ITFG1: variants seen among roughly 807,000 people sequenced by gnomAD.
ITFG1 encodes T-cell immunomodulatory protein.
Under a neutral mutation model 81.8 loss-of-function variants are expected in ITFG1, and 34 were observed. The ratio of observed to expected loss-of-function variants is 0.42; its 90% CI spans 0.32 to 0.55. The LOEUF (loss-of-function observed/expected upper bound fraction) is 0.55, where lower values mean the gene tolerates loss of function less well. Ranked by LOEUF, ITFG1 falls within the 20% of genes least tolerant of loss-of-function variation. The probability of loss-of-function intolerance (pLI) is 0.17; values close to 1 mark genes in which losing one functional copy is unlikely to be tolerated. For missense variants in ITFG1, 672 were observed against 755.4 expected (o/e 0.89, Z 1.29); for synonymous variants, 285 against 270.6 (o/e 1.05, Z -0.52).
At chr16:47,170,880 A>C (rs1964950120) in intron 14 of ITFG1, among the ~76,000 whole-genome samples, 1 of 151,102 alleles carries the variant, frequency 6.6e-6, no homozygotes, top group Non-Finnish European at 1.5e-5. Flanking sequence ...GATTATAGGC[A>C]TACACCACCA....
intron 6 of ITFG1, among the ~76,000 whole-genome samples, chr16:47,393,272 C>G (rs1477528375): frequency 1.3e-5 from 2 of 152,166 alleles, no homozygotes; most frequent in African/African-American, 4.8e-5. Context: ...TCTGACTACA[C>G]TGTACTCGAG....
intron 12 of ITFG1, among the ~76,000 whole-genome samples, chr16:47,239,904 C>T (rs1055438387): frequency 2.0e-5 from 3 of 152,112 alleles, no homozygotes; most frequent in African/African-American, 4.8e-5. Context: ...TGTCTTTGCA[C>T]GCAGATGTTA....
intron 13 of ITFG1, among the ~76,000 whole-genome samples, chr16:47,235,528 A>C (rs1425220032): frequency 6.6e-6 from 1 of 152,052 alleles, no homozygotes; most frequent in Non-Finnish European, 1.5e-5. Flanking sequence ...TGAATAAAAC[A>C]CTCTGAAGTT....
At chr16:47,221,308 T>C (rs2151527917) in intron 13 of ITFG1, among the ~76,000 whole-genome samples, 1 of 152,350 alleles carries the variant, frequency 6.6e-6, no homozygotes, top group Middle Eastern at 3.4e-3. Context: ...TGTTGAATTT[T>C]GTCAAAGGCC....
chr16:47,371,969 A>G (rs1053571008), intron 7 of ITFG1, among the ~76,000 whole-genome samples: 16 of 150,262 alleles, frequency 1.1e-4, no homozygotes, highest in African/African-American at 3.9e-4. Context: ...GCTGGAGTAC[A>G]GTGGTGCGAT....
intron 12 of ITFG1, among the ~76,000 whole-genome samples, chr16:47,242,463 A>G (rs942453484): frequency 7.9e-5 from 12 of 152,244 alleles, no homozygotes; most frequent in Non-Finnish European, 1.6e-4. Flanking sequence ...ATATATTATC[A>G]CAAAGGGCTC....
intron 8 of ITFG1, among the ~76,000 whole-genome samples, chr16:47,325,846 A>T (rs1297141940): frequency 6.6e-6 from 1 of 152,166 alleles, no homozygotes; most frequent in Non-Finnish European, 1.5e-5. Context: ...CTTACCAACC[A>T]AAAAAGGTCC....
chr16:47,182,075 AC>A (rs1418748848), intron 14 of ITFG1, among the ~76,000 whole-genome samples: 1 of 151,712 alleles, frequency 6.6e-6, no homozygotes, highest in African/African-American at 2.4e-5. Flanking sequence ...GCCTAGGAAA[AC>A]CAGATACCTT....
chr16:47,235,899 G>GTGATCTA (rs1314511133), intron 13 of ITFG1, among the ~76,000 whole-genome samples: 1 of 152,208 alleles, frequency 6.6e-6, no homozygotes, highest in Non-Finnish European at 1.5e-5. Context: ...TGATAAAATT[G>GTGATCTA]TGATCTATGA....
chr16:47,323,027 T>G (rs1234392767), intron 8 of ITFG1, among the ~76,000 whole-genome samples: 2 of 152,156 alleles, frequency 1.3e-5, no homozygotes, highest in Non-Finnish European at 2.9e-5. Context: ...GCTTCAATAT[T>G]ATCTCATGGA....
chr16:47,460,473 G>T (rs139373442), intron 1 of ITFG1, among the ~76,000 whole-genome samples: 8 of 152,272 alleles, frequency 5.3e-5, no homozygotes, highest in African/African-American at 1.4e-4. Context: ...GTGGGCCTTG[G>T]GAGCGAACGT....
At chr16:47,224,962 G>A (rs1965740524) in intron 13 of ITFG1, among the ~76,000 whole-genome samples, 1 of 152,066 alleles carries the variant, frequency 6.6e-6, no homozygotes, top group South Asian at 2.1e-4. Flanking sequence ...TTGCACCACT[G>A]CACTCTAGCC....
At chr16:47,277,520 A>AT (rs1966410332) in intron 10 of ITFG1, among the ~76,000 whole-genome samples, 1 of 152,238 alleles carries the variant, frequency 6.6e-6, no homozygotes, top group African/African-American at 2.4e-5. Flanking sequence ...AAAATTCCAC[A>AT]TAAGTGCATC....
At chr16:47,350,400 G>C (rs1031679212) in intron 8 of ITFG1, among the ~76,000 whole-genome samples, 5 of 152,180 alleles carry the variant, frequency 3.3e-5, no homozygotes, top group Non-Finnish European at 7.3e-5. Flanking sequence ...CGATCCCACA[G>C]AAATACAAAC....
At chr16:47,438,251 C>T (rs1174262187) in intron 5 of ITFG1, among the ~76,000 whole-genome samples, 3 of 152,216 alleles carry the variant, frequency 2.0e-5, no homozygotes, top group African/African-American at 7.2e-5. Flanking sequence ...GTAGGCTCCA[C>T]CGCTGGGGGC....
intron 12 of ITFG1, among the ~76,000 whole-genome samples, chr16:47,244,616 TG>T (rs1296275463): frequency 7.1e-6 from 1 of 141,690 alleles, no homozygotes; most frequent in Non-Finnish European, 1.6e-5. Flanking sequence ...TGTGTGTGTG[TG>T]TGTGTGTGTG....
At chr16:47,229,998 T>C (rs950980387) in intron 13 of ITFG1, among the ~76,000 whole-genome samples, 4 of 152,244 alleles carry the variant, frequency 2.6e-5, no homozygotes, top group Non-Finnish European at 5.9e-5. Flanking sequence ...ATTGTTGTTA[T>C]TAATCTCTTA....
intron 12 of ITFG1, among the ~76,000 whole-genome samples, chr16:47,244,649 G>A (rs1965977758): frequency 1.1e-5 from 1 of 94,602 alleles, no homozygotes; most frequent in African/African-American, 3.6e-5. Context: ...GTGTGTGTGT[G>A]TATTTACCCC....
intron 10 of ITFG1, among the ~76,000 whole-genome samples, chr16:47,303,386 T>G (rs1967108116): frequency 6.6e-6 from 1 of 152,202 alleles, no homozygotes. Context: ...GGTGATGGGC[T>G]TATGTAGAGA....
Sources: gnomAD v4.1 joint callset for allele counts (sites outside exome capture counted in the v4.1 genomes callset) on GRCh38, gnomAD v4.1.1 for gene constraint, MANE v1.5 for transcripts, NCBI Gene and HGNC (gene_info 2026-07-23, HGNC 2026-07-21) for gene names.